Variants in DLG5 observed in about 807,000 individuals in gnomAD.
DLG5 encodes discs large MAGUK scaffold protein 5, also known as disks large homolog 5.
DLG5 carries 48 observed loss-of-function variants against 189.8 expected under a neutral mutation model. That is an observed-to-expected ratio of 0.25 (90% CI 0.20 to 0.32). The LOEUF (loss-of-function observed/expected upper bound fraction) is 0.32, where lower values mean the gene tolerates loss of function less well. Ranked by LOEUF, DLG5 falls within the 10% of genes least tolerant of loss-of-function variation. The probability of loss-of-function intolerance (pLI) is 1.00; values close to 1 mark genes in which losing one functional copy is unlikely to be tolerated. For missense variants in DLG5, 2,160 were observed against 2,544.7 expected, an observed-to-expected ratio of 0.85 and a Z score of 3.25; for synonymous variants, 1,016 against 1,054.1, an observed-to-expected ratio of 0.96 and a Z score of 0.70.
chr10:77,891,692 C>T (rs1845614130), intron 1 of DLG5, among the ~76,000 whole-genome samples: 1 of 152,154 alleles, frequency 6.6e-6, no homozygotes. Flanking sequence ...ATCACTCCCA[C>T]AGGACATCAC....
At chr10:77,893,844 C>A (rs927919494) in intron 1 of DLG5, among the ~76,000 whole-genome samples, 2 of 152,188 alleles carry the variant, frequency 1.3e-5, no homozygotes, top group Non-Finnish European at 2.9e-5. Context: ...CAGTTTTTGA[C>A]CCCCTACTCC....
chr10:77,895,304 T>G (rs1195486274), intron 1 of DLG5, among the ~76,000 whole-genome samples: 1 of 152,222 alleles, frequency 6.6e-6, no homozygotes, highest in East Asian at 1.9e-4. Flanking sequence ...TGGCTGTGCT[T>G]TGGTCTGCAG....
intron 22 of DLG5, among the ~76,000 whole-genome samples, 167 bp downstream of exon 22, chr10:77,811,757 A>ATATAT (rs1841783414): frequency 6.6e-6 from 1 of 152,102 alleles, no homozygotes. Flanking sequence ...CAGCCTCTCT[A>ATATAT]TATATGCCCC....
chr10:77,893,202 C>A (rs1407941773), intron 1 of DLG5, among the ~76,000 whole-genome samples: 1 of 152,106 alleles, frequency 6.6e-6, no homozygotes, highest in East Asian at 1.9e-4. Context: ...GAAACGTCAC[C>A]TTACCTACCC....
chr10:77,848,900 T>C (rs945469075), intron 5 of DLG5, among the ~76,000 whole-genome samples: 8 of 152,152 alleles, frequency 5.3e-5, no homozygotes, highest in Non-Finnish European at 1.2e-4. Context: ...TTTTTCTATT[T>C]TAACTAAAGA....
intron 1 of DLG5, among the ~76,000 whole-genome samples, chr10:77,906,030 C>T (rs774269914): frequency 6.6e-6 from 1 of 152,206 alleles, no homozygotes. Context: ...CAGACTCATA[C>T]CCACCCATTA....
At chr10:77,823,849 G>T (rs1263023344) in intron 14 of DLG5, among the ~76,000 whole-genome samples, 1 of 151,988 alleles carries the variant, frequency 6.6e-6, no homozygotes, top group South Asian at 2.1e-4. Flanking sequence ...TTGAGATAGG[G>T]TCTCACTTTG....
chr10:77,939,104 C>T, the DLG5 span, among the ~76,000 whole-genome samples: 172 of 152,252 alleles, frequency 1.1e-3, no homozygotes, highest in South Asian at 0.018. Flanking sequence ...CACTTGAACC[C>T]GGGAGGCAGA....
chr10:77,898,661 G>A lies in DLG5; in HGVS notation c.304+27556C>T, dbSNP rs570032102. ...CACACGAGTCACGCGGCTGGGCCCC[G>A]CGTCTATCCCTTCAGGTCAGGGCTT... On this transcript the variant is annotated intron_variant, in intron 1 of 31. Transcript: ENST00000372391. Among the ~76,000 whole-genome samples, 5 of 152,336 alleles carry A rather than the reference G, an allele frequency of 3.3e-5. 1 individual carries two copies. Among genetic ancestry groups the A allele is most frequent in the South Asian group, 4.1e-4 (2 of 4,828 alleles).
rs538050172 is a variant in DLG5, at chr10:77,882,343, C to T, written c.305-13146G>A. ...CTGAGGCTAAAAGTCTTTATACAGT[C>T]AGTATTTCACAGGCTGTCGTGCAGA... On this transcript the variant is annotated intron_variant, in intron 1 of 31. Coordinates refer to ENST00000372391, the MANE Select transcript of DLG5 (RefSeq NM_004747.4). Among the ~76,000 whole-genome samples the T allele has an allele frequency of 5.3e-5, 8 of 152,292 alleles. No individual in the cohort carries two copies. In the East Asian group the frequency reaches 9.7e-4, roughly 18 times the overall value.
chr10:77,795,000 G>A lies in DLG5; in HGVS notation c.5437-42C>T, dbSNP rs768436111. 5.2e-6 allele frequency: 8 copies of A among 1,550,240 alleles called. No homozygotes were observed. The Admixed American group carries it at 5.2e-5, about 10-fold the overall frequency. On this transcript the variant is annotated intron_variant, in intron 29 of 31. Coordinates refer to ENST00000372391, the MANE Select transcript of DLG5 (RefSeq NM_004747.4). ...AGAGTGAGCCCTGGCGGGCAGTGAG[G>A]GGCAGCCAGCCCCCTGTCCTGCCAC... is the stretch of plus-strand genomic sequence containing the variant.
At chr10:77,885,542 A>G (rs927729657) in intron 1 of DLG5, among the ~76,000 whole-genome samples, 5 of 152,210 alleles carry the variant, frequency 3.3e-5, no homozygotes, top group Admixed American at 1.3e-4. Flanking sequence ...AATGGAATCA[A>G]AGTGTGCCAG....
chr10:77,843,333 G>T, intron 6 of DLG5, 114 bp downstream of exon 6: 1 of 1,353,864 alleles, frequency 7.4e-7, no homozygotes, highest in Non-Finnish European at 1.0e-6. Context: ...TTCCTGGTCA[G>T]AAGCATTTTT....
At chr10:77,859,509 T>G (rs1844388752) in intron 2 of DLG5, among the ~76,000 whole-genome samples, 2 of 152,204 alleles carry the variant, frequency 1.3e-5, no homozygotes, top group Admixed American at 6.5e-5. Context: ...AGCTTTTCTT[T>G]TCTATGTATA....
At chr10:77,871,559 T>TTTC (rs1844901275) in intron 1 of DLG5, among the ~76,000 whole-genome samples, 1 of 147,614 alleles carries the variant, frequency 6.8e-6, no homozygotes, top group South Asian at 2.2e-4. Flanking sequence ...TTTTTTTTTT[T>TTTC]TGAGACAGAG....
chr10:77,801,598 C>T (rs1046207688), intron 27 of DLG5, among the ~76,000 whole-genome samples: 3 of 152,216 alleles, frequency 2.0e-5, no homozygotes, highest in Non-Finnish European at 4.4e-5. Context: ...TGCTAAGCAC[C>T]TTCTGAGCAG....
At chr10:77,831,945 C>T (rs559042900) in intron 9 of DLG5, among the ~76,000 whole-genome samples, 13 of 152,314 alleles carry the variant, frequency 8.5e-5, no homozygotes, top group Non-Finnish European at 1.3e-4. Context: ...CGGAGGCTCA[C>T]GCCTGTAATC....
At chr10:77,904,956 C>A (rs1485253839) in intron 1 of DLG5, among the ~76,000 whole-genome samples, 2 of 151,714 alleles carry the variant, frequency 1.3e-5, no homozygotes, top group Non-Finnish European at 2.9e-5. Flanking sequence ...TGGTGAAACC[C>A]CATCTCTACT....
intron 30 of DLG5, among the ~76,000 whole-genome samples, chr10:77,794,459 C>G (rs936278544): frequency 6.6e-6 from 1 of 152,222 alleles, no homozygotes. Flanking sequence ...GCGAAGGCAA[C>G]GGCTCCTGAG....
Sources: gnomAD v4.1 joint callset for allele counts (sites outside exome capture counted in the v4.1 genomes callset) on GRCh38, gnomAD v4.1.1 for gene constraint, MANE v1.5 for transcripts, NCBI Gene and HGNC (gene_info 2026-07-23, HGNC 2026-07-21) for gene names.